TGFBR2: variants seen among roughly 807,000 people sequenced by gnomAD.
The protein encoded by TGFBR2 is TGF-beta receptor type-2.
Under a neutral mutation model 49.0 loss-of-function variants are expected in TGFBR2, and 18 were observed. That is an observed-to-expected ratio of 0.37 (90% confidence interval 0.25 to 0.54). The LOEUF is 0.54. Among genes scored for constraint, TGFBR2 ranks in the 20% least tolerant of loss-of-function variants. The pLI, the probability that TGFBR2 is intolerant of heterozygous loss-of-function variation, is 0.85. For synonymous variants in TGFBR2, 282 were observed against 275.9 expected (o/e 1.02, Z -0.22); for missense variants, 525 against 722.6 (o/e 0.73, Z 3.13).
At chr3:30,607,115 C>G (rs987696705) in intron 1 of TGFBR2, 138 bp downstream of exon 1, 43 of 665,450 alleles carry the variant, frequency 6.5e-5, no homozygotes, top group Admixed American at 2.9e-4. Context: ...GCGACACTCA[C>G]GCAGCCCGAC....
chr3:30,646,002 A>G (rs1017376002), intron 2 of TGFBR2, among the ~76,000 whole-genome samples: 4 of 152,244 alleles, frequency 2.6e-5, no homozygotes, highest in African/African-American at 9.6e-5. Flanking sequence ...ACATAAATTC[A>G]TTAATGAGAT....
At chr3:30,624,433 T>A (rs1464901198) in intron 1 of TGFBR2, among the ~76,000 whole-genome samples, 2 of 151,916 alleles carry the variant, frequency 1.3e-5, no homozygotes, top group African/African-American at 4.8e-5. Context: ...CTGGCCAACA[T>A]GGTGAAACCC....
At chr3:30,609,530 GT>G (rs927726681) in intron 1 of TGFBR2, among the ~76,000 whole-genome samples, 7 of 151,490 alleles carry the variant, frequency 4.6e-5, no homozygotes, top group South Asian at 2.1e-4. Flanking sequence ...GAAATAGAAA[GT>G]TTTTTTTTCT....
intron 1 of TGFBR2, among the ~76,000 whole-genome samples, chr3:30,643,158 A>G (rs888889292): frequency 2.0e-5 from 3 of 152,342 alleles, no homozygotes; most frequent in South Asian, 4.1e-4. Flanking sequence ...GACTGTGGAA[A>G]GGCATTGAAA....
rs1575167817 is a variant in TGFBR2 at position 30,693,855 on chromosome 3, A to G, written c.*2256A>G. 1 of 232,242 alleles carries G rather than the reference A, an allele frequency of 4.3e-6. No individual in the cohort carries two copies. The allele number at this position is 232,242 out of a possible 1,614,324, so 14.4% of individuals were successfully genotyped here. A position where few individuals can be genotyped will look rare whatever the true frequency, so the allele number is the denominator to read the frequency against. The stretch of plus-strand genomic sequence containing the variant: ...TTGTTTATGTTTTTTTTTCTTATTC[A>G]AGAAAAAAGACCAAGGAATAACATT... On this transcript the variant is annotated 3_prime_UTR_variant, in exon 7 of 7. Transcript: ENST00000295754.
At chr3:30,647,225 T>A (rs1282503286) in intron 2 of TGFBR2, among the ~76,000 whole-genome samples, 1 of 152,206 alleles carries the variant, frequency 6.6e-6, no homozygotes, top group African/African-American at 2.4e-5. Context: ...GGCTAGTTGA[T>A]GCAGAGAAAC....
At chr3:30,627,194 A>T (rs1698348234) in intron 1 of TGFBR2, among the ~76,000 whole-genome samples, 1 of 152,112 alleles carries the variant, frequency 6.6e-6, no homozygotes, top group Non-Finnish European at 1.5e-5. Flanking sequence ...TAGCCTAGAG[A>T]CACCTCTGGA....
chr3:30,673,867 C>T (rs1328329327), intron 4 of TGFBR2, among the ~76,000 whole-genome samples: 2 of 151,960 alleles, frequency 1.3e-5, no homozygotes, highest in African/African-American at 2.4e-5. Flanking sequence ...GGGTTTGGCA[C>T]TTCCTTATTT....
chr3:30,646,156 C>T (rs1257045504), intron 2 of TGFBR2, among the ~76,000 whole-genome samples: 1 of 152,104 alleles, frequency 6.6e-6, no homozygotes, highest in Non-Finnish European at 1.5e-5. Context: ...TCATTTGAGA[C>T]CCCTAGACCA....
Position 30,644,899 on chromosome 3 carries a change from G to A in TGFBR2, c.247G>A (p.Val83Ile). ...ITSICEKPQE[V>I]CVAVWRKNDE... ...CTCCATCTGTGAGAAGCCACAGGAA[G>A]TCTGTGTGGCTGTATGGTAAGCAAG... Residue 83 changes from valine (V) to isoleucine (I), a missense_variant, in exon 2 of 7, where the codon GTC (valine) becomes ATC (isoleucine). Val to Ile is a conservative substitution (Grantham distance 29). Around this residue, in one of 3 missense-constraint regions of TGFBR2, gnomAD observed 376 missense variants for 478.2 expected, o/e 0.79. Coordinates refer to ENST00000295754, the MANE Select transcript of TGFBR2 (RefSeq NM_003242.6). 6.2e-7 allele frequency: 1 copy of A among 1,614,094 alleles called. No individual in the cohort carries two copies. The highest frequency in any genetic ancestry group is 1.6e-4 in the Middle Eastern group (1 of 6,062).
chr3:30,644,254 G>A (rs947823293), intron 1 of TGFBR2, among the ~76,000 whole-genome samples: 1 of 152,158 alleles, frequency 6.6e-6, no homozygotes, highest in Non-Finnish European at 1.5e-5. Context: ...TCATGACTCT[G>A]TGAGGTTATA....
At chr3:30,616,709 C>T (rs1272710311) in intron 1 of TGFBR2, among the ~76,000 whole-genome samples, 3 of 152,054 alleles carry the variant, frequency 2.0e-5, no homozygotes, top group Non-Finnish European at 4.4e-5. Flanking sequence ...AGAAAACTAA[C>T]AAAAGTCATG....
chr3:30,627,760 G>A lies in TGFBR2; in HGVS notation c.95-16987G>A, dbSNP rs142328679. Among the ~76,000 whole-genome samples, 1,114 of 152,062 alleles carry A rather than the reference G, an allele frequency of 7.3e-3. 13 individuals are homozygous for A. The highest frequency in any genetic ancestry group is 0.025 in the South Asian group (119 of 4,810). On this transcript the variant is annotated intron_variant, in intron 1 of 6. Transcript: ENST00000295754. Reference sequence around the variant, plus strand: ...TTAGATGATACATGTGGCTTGAAACGTAGCAGGTGCAAATAAGGAACTGAA... The same window carrying A: ...TTAGATGATACATGTGGCTTGAAACATAGCAGGTGCAAATAAGGAACTGAA...
intron 6 of TGFBR2, 33 bp downstream of exon 6, chr3:30,688,544 A>T (rs767174112): frequency 6.2e-7 from 1 of 1,613,768 alleles, no homozygotes; most frequent in Non-Finnish European, 8.5e-7. Flanking sequence ...GGTCAGTAAG[A>T]TTCAACCAAG....
At chr3:30,620,005 A>G (rs1456721134) in intron 1 of TGFBR2, among the ~76,000 whole-genome samples, 4 of 152,008 alleles carry the variant, frequency 2.6e-5, no homozygotes, top group African/African-American at 4.8e-5. Context: ...CGCTAACACG[A>G]TGAAACCCTG....
intron 1 of TGFBR2, among the ~76,000 whole-genome samples, chr3:30,628,218 T>C (rs930257584): frequency 6.6e-6 from 1 of 151,608 alleles, no homozygotes; most frequent in Non-Finnish European, 1.5e-5. Context: ...TCTATGAGCA[T>C]GGAGTGGTAG....
intron 5 of TGFBR2, among the ~76,000 whole-genome samples, chr3:30,677,075 A>G (rs1210157815): frequency 6.6e-6 from 1 of 152,212 alleles, no homozygotes; most frequent in Non-Finnish European, 1.5e-5. Context: ...CTGTTATTCT[A>G]TAAACATGAG....
chr3:30,620,055 C>T lies in TGFBR2; in HGVS notation c.94+13078C>T, dbSNP rs558647229. Among the ~76,000 whole-genome samples the T allele has an allele frequency of 5.3e-5, 8 of 152,170 alleles. No individual in the cohort carries two copies. The South Asian group carries it at 8.3e-4, about 16-fold the overall frequency. On this transcript the variant is annotated intron_variant, in intron 1 of 6. Transcript: ENST00000295754. ...ACAAAAAATTAGCTGGGCGTGGTGGCGGGTGCCTGTAGTCCCAGCTACTCG... is the reference window on the plus strand; with the variant it reads ...ACAAAAAATTAGCTGGGCGTGGTGGTGGGTGCCTGTAGTCCCAGCTACTCG...
intron 3 of TGFBR2, among the ~76,000 whole-genome samples, chr3:30,656,913 G>A (rs1223836434): frequency 6.6e-6 from 1 of 152,162 alleles, no homozygotes; most frequent in Non-Finnish European, 1.5e-5. Flanking sequence ...AGTGATGATC[G>A]CTGCCTTGGA....
Sources: allele counts gnomAD v4.1 joint callset (sites outside exome capture counted in the v4.1 genomes callset), GRCh38; gene constraint gnomAD v4.1.1; regional missense constraint gnomAD v4.1.1; transcripts MANE v1.5; gene names NCBI Gene and HGNC (gene_info 2026-07-23, HGNC 2026-07-21).